Variants in RBFOX1 observed in about 807,000 individuals in gnomAD.
RBFOX1 encodes the protein RNA binding fox-1 homolog 1.
A neutral mutation model predicts 57.7 loss-of-function variants in RBFOX1; 8 were observed. That is an observed-to-expected ratio of 0.14 (90% CI 0.08 to 0.25). The LOEUF is 0.25. Among genes scored for constraint, RBFOX1 ranks in the 10% least tolerant of loss-of-function variants. RBFOX1 has a pLI of 1.00. For missense variants in RBFOX1, 611 were observed against 548.5 expected (o/e 1.11, Z -1.14); for synonymous variants, 326 against 222.4 (o/e 1.47, Z -4.15).
intron 3 of RBFOX1, among the ~76,000 whole-genome samples, chr16:6,735,007 GCA>G (rs1371791261): frequency 6.6e-6 from 1 of 152,038 alleles, no homozygotes; most frequent in Non-Finnish European, 1.5e-5. Flanking sequence ...TGTTGTGGTA[GCA>G]CAGTGTATGT....
At chr16:7,212,265 C>G (rs1218178491) in intron 4 of RBFOX1, among the ~76,000 whole-genome samples, 1 of 152,168 alleles carries the variant, frequency 6.6e-6, no homozygotes, top group Admixed American at 6.5e-5. Context: ...TTTGCCATCA[C>G]AGCAGCTGCC....
intron 2 of RBFOX1, among the ~76,000 whole-genome samples, chr16:6,327,735 T>C (rs1053414203): frequency 6.6e-6 from 1 of 152,292 alleles, no homozygotes; most frequent in African/African-American, 2.4e-5. Flanking sequence ...ATACATAGAT[T>C]CTGGTGCAAG....
At chr16:6,751,896 A>G (rs988505795) in intron 3 of RBFOX1, among the ~76,000 whole-genome samples, 2 of 152,176 alleles carry the variant, frequency 1.3e-5, no homozygotes, top group African/African-American at 4.8e-5. Flanking sequence ...GCTGGTTTAT[A>G]TGAATTTTCC....
chr16:5,339,295 T>C (rs1420638372), intron 1 of RBFOX1, among the ~76,000 whole-genome samples: 2 of 151,932 alleles, frequency 1.3e-5, no homozygotes, highest in Non-Finnish European at 2.9e-5. Flanking sequence ...CTTGGTTGCA[T>C]GAGATATGAT....
intron 3 of RBFOX1, among the ~76,000 whole-genome samples, chr16:6,887,244 A>G (rs2064271284): frequency 6.6e-6 from 1 of 152,174 alleles, no homozygotes. Flanking sequence ...AGTAGTGATT[A>G]CCTGTATTTT....
chr16:6,810,364 G>T (rs2088171965), intron 3 of RBFOX1, among the ~76,000 whole-genome samples: 1 of 152,050 alleles, frequency 6.6e-6, no homozygotes, highest in South Asian at 2.1e-4. Flanking sequence ...TCCTCTCCTT[G>T]TCCAAGTGGT....
intron 3 of RBFOX1, among the ~76,000 whole-genome samples, chr16:7,011,067 C>G (rs1025857147): frequency 1.5e-5 from 2 of 132,100 alleles, no homozygotes; most frequent in East Asian, 2.4e-4. Context: ...AAAGCAAATT[C>G]ATTTTTTTTT....
intron 1 of RBFOX1, among the ~76,000 whole-genome samples, chr16:5,353,181 C>G (rs1035328270): frequency 2.0e-5 from 3 of 152,020 alleles, no homozygotes; most frequent in African/African-American, 7.2e-5. Context: ...CAAGATCAGC[C>G]TGGCCAACAT....
chr16:5,953,663 C>G (rs1281241731), intron 4 of RBFOX1, among the ~76,000 whole-genome samples: 1 of 150,524 alleles, frequency 6.6e-6, no homozygotes, highest in Admixed American at 6.6e-5. Flanking sequence ...GCTGCGAATG[C>G]CATTCATTCA....
At chr16:7,115,352 A>G (rs2065659750) in intron 4 of RBFOX1, among the ~76,000 whole-genome samples, 1 of 152,180 alleles carries the variant, frequency 6.6e-6, no homozygotes. Context: ...AAGAAATATG[A>G]AAGTCCTACC....
chr16:6,678,952 T>A (rs768806297), intron 3 of RBFOX1, among the ~76,000 whole-genome samples: 15 of 152,162 alleles, frequency 9.9e-5, no homozygotes, highest in African/African-American at 2.7e-4. Context: ...TTCAGTATAA[T>A]TGAATCATAC....
chr16:6,349,321 T>G (rs2152841450), intron 2 of RBFOX1, among the ~76,000 whole-genome samples: 1 of 152,302 alleles, frequency 6.6e-6, no homozygotes, highest in Non-Finnish European at 1.5e-5. Context: ...ATTTTACCTC[T>G]TAGAAGTTTT....
At chr16:6,162,152 C>T (rs2096884096) in intron 1 of RBFOX1, among the ~76,000 whole-genome samples, 1 of 152,200 alleles carries the variant, frequency 6.6e-6, no homozygotes, top group Non-Finnish European at 1.5e-5. Context: ...GGGCGTCACT[C>T]TGTCACCCAG....
At chr16:6,550,525 G>T (rs139076286) in intron 2 of RBFOX1, among the ~76,000 whole-genome samples, 14 of 152,014 alleles carry the variant, frequency 9.2e-5, no homozygotes, top group African/African-American at 3.4e-4. Flanking sequence ...GGGGTTTCAT[G>T]ATGTTGACCA....
chr16:6,030,221 A>T (rs1304053185), intron 1 of RBFOX1, among the ~76,000 whole-genome samples: 1 of 152,200 alleles, frequency 6.6e-6, no homozygotes, highest in Non-Finnish European at 1.5e-5. Context: ...GCCCAGCCCT[A>T]TGATGATATT....
At chr16:6,250,007 GC>G in intron 1 of RBFOX1, among the ~76,000 whole-genome samples, 1 of 152,118 alleles carries the variant, frequency 6.6e-6, no homozygotes, top group African/African-American at 2.4e-5. Context: ...CGGTAGAAAG[GC>G]CAAAAGGAGG....
chr16:7,037,106 G>A (rs575944377), intron 3 of RBFOX1, among the ~76,000 whole-genome samples: 1 of 152,096 alleles, frequency 6.6e-6, no homozygotes, highest in East Asian at 1.9e-4. Context: ...CTTCTTTACT[G>A]CAAACTGTTC....
chr16:6,910,110 T>C (rs777134807), intron 3 of RBFOX1, among the ~76,000 whole-genome samples: 2 of 151,962 alleles, frequency 1.3e-5, no homozygotes, highest in Non-Finnish European at 2.9e-5. Context: ...ACGGAAAACC[T>C]TGGTAGCGTG....
At chr16:6,199,609 A>G (rs2097202427) in intron 1 of RBFOX1, among the ~76,000 whole-genome samples, 1 of 152,194 alleles carries the variant, frequency 6.6e-6, no homozygotes, top group Non-Finnish European at 1.5e-5. Flanking sequence ...TTGGTTTTGT[A>G]TTAACTAAAT....
Sources: gnomAD v4.1 joint callset for allele counts (sites outside exome capture counted in the v4.1 genomes callset) on GRCh38, gnomAD v4.1.1 for gene constraint, MANE v1.5 for transcripts, NCBI Gene and HGNC (gene_info 2026-07-23, HGNC 2026-07-21) for gene names.